The following EN1 variants were observed in gnomAD, a reference collection of about 807,000 sequenced individuals.
EN1 encodes homeobox protein engrailed-1.
Under a neutral mutation model 22.9 loss-of-function variants are expected in EN1, and 8 were observed. The observed-to-expected ratio is 0.35, with a 90% CI of 0.20 to 0.63. EN1 has a LOEUF of 0.63. Ranked by LOEUF, EN1 falls within the 20% of genes least tolerant of loss-of-function variation. The pLI, the probability that EN1 is intolerant of heterozygous loss-of-function variation, is 0.73. For missense variants in EN1, 521 were observed against 572.1 expected (o/e 0.91, Z 0.91); for synonymous variants, 287 against 262.5 (o/e 1.09, Z -0.90).
At chr2:118,844,968 C>T (rs1678245966) in intron 1 of EN1, among the ~76,000 whole-genome samples, 1 of 152,246 alleles carries the variant, frequency 6.6e-6, no homozygotes, top group South Asian at 2.1e-4. Flanking sequence ...GGCCCCACTG[C>T]CCGTTCTGCA....
Position 118,842,819 on chromosome 2 carries a change from G to T in EN1, c.*119C>A. ...CTGAGGCTCTCTTTCTGTCTCTCTC[G>T]CTCTTTTCCCTGCGCTCCCTCCCTC... On this transcript the variant is annotated 3_prime_UTR_variant, in exon 2 of 2. Transcript: ENST00000295206. 7.1e-7 allele frequency: 1 copy of T among 1,417,624 alleles called. No homozygotes were observed. Among genetic ancestry groups the T allele is most frequent in the Non-Finnish European group, 9.3e-7 (1 of 1,079,852 alleles). The allele number at this position is 1,417,624 out of a possible 1,614,324, so 87.8% of individuals were successfully genotyped here.
intron 1 of EN1, among the ~76,000 whole-genome samples, chr2:118,845,017 A>T (rs993529599): frequency 6.6e-6 from 1 of 152,264 alleles, no homozygotes; most frequent in Non-Finnish European, 1.5e-5. Flanking sequence ...GTGTGTGCAG[A>T]GGCACGGACT....
At chr2:118,843,704 G>T (rs1678227347) in intron 1 of EN1, among the ~76,000 whole-genome samples, 1 of 152,168 alleles carries the variant, frequency 6.6e-6, no homozygotes, top group African/African-American at 2.4e-5. Context: ...TAGGACTGGG[G>T]CAGTGAGGGC....
Position 118,847,027 on chromosome 2 carries a change from G to T in EN1, c.141C>A (p.Ser47Arg). Residue 47 changes from serine (S) to arginine (R), a missense_variant, in exon 1 of 2, where the codon AGC becomes AGA. Around this residue, in one of 3 missense-constraint regions of EN1, gnomAD observed 436 missense variants for 410.1 expected, o/e 1.06. Transcript: ENST00000295206. ...GSSGSGSDGD[S>R]VPVSPQPAPP... ...GCGCAGGCTGCGGGGACACCGGCACGCTGTCTCCATCGCTGCCGCTGCCGC... is the reference window on the plus strand; with the variant it reads ...GCGCAGGCTGCGGGGACACCGGCACTCTGTCTCCATCGCTGCCGCTGCCGC... 7.1e-7 allele frequency: 1 copy of T among 1,409,850 alleles called. No individual in the cohort carries two copies. The allele number at this position is 1,409,850 out of a possible 1,614,324, so 87.3% of individuals were successfully genotyped here. A position where few individuals can be genotyped will look rare whatever the true frequency, so the allele number is the denominator to read the frequency against.
At chr2:118,845,831 G>C (rs1678260574) in intron 1 of EN1, among the ~76,000 whole-genome samples, 1 of 152,152 alleles carries the variant, frequency 6.6e-6, no homozygotes. Context: ...AAAATATCGA[G>C]ATGGTGTTTG....
chr2:118,847,132 G>T lies in EN1; in HGVS notation c.36C>A (p.Arg12=). 1 of 1,309,742 alleles carries T rather than the reference G, an allele frequency of 7.6e-7. No homozygotes were observed. The highest frequency in any genetic ancestry group is 1.0e-6 in the Non-Finnish European group (1 of 986,002). The allele number at this position is 1,309,742 out of a possible 1,614,324, so 81.1% of individuals were successfully genotyped here. ...EEQQPEPKSQ[R]DSALGAAAAA... is the part of the protein sequence containing the mutation. ...CCGCCGCCGCGCCGAGGGCCGAGTC[G>T]CGCTGACTTTTAGGTTCCGGCTGCT... Residue 12 remains arginine (R), a synonymous_variant, in exon 1 of 2, where the codon CGC becomes CGA. Transcript: ENST00000295206.
chr2:118,847,193 G>T lies in EN1; in HGVS notation c.-26C>A. ...GCTCGGCCGCCCCGCCGCCCCGGCCGCCGCGCCGGCCCCCGCCCCCACCGC... is the reference window on the plus strand; with the variant it reads ...GCTCGGCCGCCCCGCCGCCCCGGCCTCCGCGCCGGCCCCCGCCCCCACCGC... On this transcript the variant is annotated 5_prime_UTR_variant, in exon 1 of 2. Coordinates refer to ENST00000295206, the MANE Select transcript of EN1 (RefSeq NM_001426.4). The T allele has an allele frequency of 7.2e-6, 5 of 693,730 alleles. 1 individual carries two copies. The highest frequency in any genetic ancestry group is 6.0e-5 in the South Asian group (2 of 33,498). The allele number at this position is 693,730 out of a possible 1,614,324, so 43.0% of individuals were successfully genotyped here. A position where few individuals can be genotyped will look rare whatever the true frequency, so the allele number is the denominator to read the frequency against.
At chr2:118,845,760 C>T (rs1253744183) in intron 1 of EN1, among the ~76,000 whole-genome samples, 2 of 152,192 alleles carry the variant, frequency 1.3e-5, no homozygotes, top group Non-Finnish European at 1.5e-5. Context: ...GGCTTTCAGA[C>T]GCTTTCCTCC....
chr2:118,843,948 C>T (rs1174154171), intron 1 of EN1: 1 of 152,328 alleles, frequency 6.6e-6, no homozygotes, highest in Non-Finnish European at 1.5e-5. Flanking sequence ...TCTCTTTGGC[C>T]TAAAGGAAGC....
Position 118,847,139 on chromosome 2 carries a change from C to T in EN1, c.29G>A (p.Ser10Asn). MEEQQPEPK[S>N]QRDSALGAAA... ...CGCGCCGAGGGCCGAGTCGCGCTGA[C>T]TTTTAGGTTCCGGCTGCTGTTCTTC... is the stretch of plus-strand genomic sequence containing the variant. Residue 10 changes from serine to asparagine, a missense_variant, in exon 1 of 2, where the codon AGT (serine) becomes AAT (asparagine). Ser to Asn is a conservative substitution (Grantham distance 46). Transcript: ENST00000295206. The T allele has an allele frequency of 2.4e-6, 3 of 1,254,208 alleles. No individual in the cohort carries two copies. The highest frequency in any genetic ancestry group is 3.2e-6 in the Non-Finnish European group (3 of 936,474). 77.7% of individuals were successfully genotyped at this position (1,254,208 alleles called of 1,614,324 possible).
Position 118,846,557 on chromosome 2 carries a change from G to A in EN1, c.611C>T (p.Ala204Val). The A allele has an allele frequency of 8.4e-7, 1 of 1,193,676 alleles. No individual in the cohort carries two copies. The highest frequency in any genetic ancestry group is 1.0e-6 in the Non-Finnish European group (1 of 965,144). The allele number at this position is 1,193,676 out of a possible 1,614,324, so 73.9% of individuals were successfully genotyped here. A position where few individuals can be genotyped will look rare whatever the true frequency, so the allele number is the denominator to read the frequency against. The change falls in exon 1 of 2, where the codon GCG becomes GTG. Residue 204 changes from alanine to valine, a missense_variant. Transcript: ENST00000295206. This position sits in a 1 kb window ranked among gnomAD's most constrained non-coding sequence, Gnocchi z 5.0. ...CGCCGCCGCCACTGCCGCCGCGGCC[G>A]CCGCCGCCGCCGCAGCCGGGTTCCC... The part of the protein sequence containing the change: ...KAGNPAAAAA[A>V]AAAAVAAAAA...
At position 118,847,013 on chromosome 2, in the gene EN1, G is replaced by T; in HGVS notation, c.155C>A (p.Pro52Gln). 1.4e-6 allele frequency: 2 copies of T among 1,385,024 alleles called. No homozygotes were observed. Among genetic ancestry groups the T allele is most frequent in the Non-Finnish European group, 1.9e-6 (2 of 1,076,676 alleles). The allele number at this position is 1,385,024 out of a possible 1,614,324, so 85.8% of individuals were successfully genotyped here. Residue 52 changes from proline to glutamine, a missense_variant, in exon 1 of 2, where the codon CCG becomes CAG. By Grantham distance (76) the Pro-to-Gln change is moderately conservative. Coordinates refer to ENST00000295206, the MANE Select transcript of EN1 (RefSeq NM_001426.4). ...GGGCGGCGAGGGGGGCGCAGGCTGCGGGGACACCGGCACGCTGTCTCCATC... is the reference window on the plus strand; with the variant it reads ...GGGCGGCGAGGGGGGCGCAGGCTGCTGGGACACCGGCACGCTGTCTCCATC... ...GSDGDSVPVS[P>Q]QPAPPSPPAA...
At chr2:118,844,198 C>A (rs1310638999) in intron 1 of EN1, 2 of 152,016 alleles carry the variant, frequency 1.3e-5, no homozygotes, top group African/African-American at 2.4e-5. Context: ...TCCTGAATAA[C>A]AAAAACAAGC....
chr2:118,842,915 G>A lies in EN1; in HGVS notation c.*23C>T, dbSNP rs368544860. 7,611 of 1,585,900 alleles carry A rather than the reference G, an allele frequency of 4.8e-3. 37 individuals carry two copies. Among genetic ancestry groups the A allele is most frequent in the Non-Finnish European group, 5.1e-3 (5,962 of 1,161,700 alleles). On this transcript the variant is annotated 3_prime_UTR_variant, in exon 2 of 2. Coordinates refer to ENST00000295206, the MANE Select transcript of EN1 (RefSeq NM_001426.4). ...GGCGGCGGTGCCGGGAGGGGGCGCG[G>A]GCGCGGCCCCGGCCTGTGGCGGCTA...
intron 1 of EN1, among the ~76,000 whole-genome samples, chr2:118,844,984 G>A (rs1458671279): frequency 1.3e-5 from 2 of 152,238 alleles, no homozygotes; most frequent in Admixed American, 6.5e-5. Flanking sequence ...CTGCATCCGG[G>A]ACATGTTGAA....
At chr2:118,845,782 T>C (rs1678260078) in intron 1 of EN1, among the ~76,000 whole-genome samples, 1 of 152,220 alleles carries the variant, frequency 6.6e-6, no homozygotes, top group African/African-American at 2.4e-5. Flanking sequence ...TGTCTTCCTG[T>C]GTTTCCCATG....
Position 118,847,134 on chromosome 2 carries a change from G to A in EN1, c.34C>T (p.Arg12Cys), listed in dbSNP as rs1232545474. The stretch of plus-strand genomic sequence containing the variant: ...GCCGCCGCGCCGAGGGCCGAGTCGC[G>A]CTGACTTTTAGGTTCCGGCTGCTGT... ...EEQQPEPKSQ[R>C]DSALGAAAAA... is the part of the protein sequence containing the mutation. The change falls in exon 1 of 2, where the codon CGC becomes TGC. Residue 12 changes from arginine (R) to cysteine (C), a missense_variant. Arg to Cys is a radical substitution (Grantham distance 180). Around this residue, in one of 3 missense-constraint regions of EN1, gnomAD observed 436 missense variants for 410.1 expected, o/e 1.06. Coordinates refer to ENST00000295206, the MANE Select transcript of EN1 (RefSeq NM_001426.4). 3.8e-6 allele frequency: 5 copies of A among 1,302,790 alleles called. No homozygotes were observed. The highest frequency in any genetic ancestry group is 2.7e-5 in the Admixed American group (1 of 36,934). 80.7% of individuals were successfully genotyped at this position (1,302,790 alleles called of 1,614,324 possible). A position where few individuals can be genotyped will look rare whatever the true frequency, so the allele number is the denominator to read the frequency against.
In EN1 at chr2:118,846,553, G is replaced by A. The variant is rs570600650; in HGVS notation, c.615C>T (p.Ala205=). The change falls in exon 1 of 2, where the codon GCC becomes GCT. Residue 205 remains alanine (A), a synonymous_variant. Coordinates refer to ENST00000295206, the MANE Select transcript of EN1 (RefSeq NM_001426.4). The surrounding 1 kb of genome is among the most constrained non-coding windows in gnomAD (Gnocchi z 5.0). ...CCGCCGCCGCCGCCACTGCCGCCGC[G>A]GCCGCCGCCGCCGCCGCAGCCGGGT... is the stretch of plus-strand genomic sequence containing the variant. The part of the protein sequence containing the change: ...AGNPAAAAAA[A]AAAVAAAAAA... 8.4e-7 allele frequency: 1 copy of A among 1,186,510 alleles called. No individual in the cohort carries two copies. Among genetic ancestry groups the A allele is most frequent in the Non-Finnish European group, 1.0e-6 (1 of 961,528 alleles). 73.5% of individuals were successfully genotyped at this position (1,186,510 alleles called of 1,614,324 possible).
intron 1 of EN1, among the ~76,000 whole-genome samples, chr2:118,845,028 C>G (rs950620383): frequency 5.9e-5 from 9 of 152,266 alleles, no homozygotes. Context: ...GGCACGGACT[C>G]TTGTAATAAA....
Sources: allele counts gnomAD v4.1 joint callset (sites outside exome capture counted in the v4.1 genomes callset), GRCh38; gene constraint gnomAD v4.1.1; regional missense constraint gnomAD v4.1.1; non-coding constraint Gnocchi (gnomAD v3.1); transcripts MANE v1.5; gene names NCBI Gene and HGNC (gene_info 2026-07-23, HGNC 2026-07-21).